Variants in MOCOS observed in about 807,000 individuals in gnomAD.
MOCOS encodes molybdenum cofactor sulfurase.
MOCOS carries 86 observed loss-of-function variants against 83.6 expected under a neutral mutation model. The observed-to-expected ratio is 1.03, with a 90% CI of 0.86 to 1.23. MOCOS has a LOEUF of 1.23. Ranked by LOEUF, MOCOS falls within the 50% of genes most tolerant of loss-of-function variation. The pLI is 0.00. For missense variants in MOCOS, 1,120 were observed against 1,126.9 expected (o/e 0.99, Z 0.09); for synonymous variants, 445 against 434.7 (o/e 1.02, Z -0.29).
At chr18:36,212,032 A>C (rs2091457537) in intron 6 of MOCOS, among the ~76,000 whole-genome samples, 1 of 152,170 alleles carries the variant, frequency 6.6e-6, no homozygotes, top group East Asian at 1.9e-4. Context: ...TGGAGACGCC[A>C]AGCTCAGGAC....
intron 8 of MOCOS, among the ~76,000 whole-genome samples, chr18:36,216,525 C>T (rs1344182940): frequency 6.6e-6 from 1 of 152,046 alleles, no homozygotes; most frequent in Non-Finnish European, 1.5e-5. Flanking sequence ...TCCATGAGTC[C>T]AGTAGAAAGT....
At chr18:36,253,522 C>T (rs371163814) in intron 11 of MOCOS, among the ~76,000 whole-genome samples, 21 of 152,032 alleles carry the variant, frequency 1.4e-4, no homozygotes, top group African/African-American at 3.6e-4. Context: ...AAAAATTAGC[C>T]GGGCATGGTG....
intron 11 of MOCOS, among the ~76,000 whole-genome samples, chr18:36,252,368 A>C (rs1216217776): frequency 6.6e-6 from 1 of 152,138 alleles, no homozygotes; most frequent in Non-Finnish European, 1.5e-5. Flanking sequence ...AAAATAAGAT[A>C]CAAAAATTAT....
At chr18:36,262,250 T>TCTACACACACACACACAC (rs368893410) in intron 13 of MOCOS, among the ~76,000 whole-genome samples, 1 of 127,824 alleles carries the variant, frequency 7.8e-6, no homozygotes. Context: ...CGTCTCTCTC[T>TCTACACACACACACACAC]ACACACACAC....
intron 1 of MOCOS, among the ~76,000 whole-genome samples, chr18:36,188,937 TC>T: frequency 7.5e-6 from 1 of 133,504 alleles, no homozygotes; most frequent in African/African-American, 2.8e-5. Context: ...TCTCTCTCTC[TC>T]AACTATTAAT....
chr18:36,259,267 A>G (rs2091653546), intron 12 of MOCOS, among the ~76,000 whole-genome samples: 1 of 151,916 alleles, frequency 6.6e-6, no homozygotes, highest in Non-Finnish European at 1.5e-5. Context: ...ATATAGTGAG[A>G]CCCCATCTCT....
intron 10 of MOCOS, 54 bp downstream of exon 10, chr18:36,249,054 G>A: frequency 6.9e-7 from 1 of 1,459,258 alleles, no homozygotes; most frequent in South Asian, 1.1e-5. Flanking sequence ...CTGGCACAGA[G>A]GGGGAAGAGG....
intron 6 of MOCOS, among the ~76,000 whole-genome samples, chr18:36,205,516 T>C (rs915961710): frequency 2.6e-5 from 4 of 152,178 alleles, no homozygotes; most frequent in Non-Finnish European, 4.4e-5. Context: ...GTTGGGTCTT[T>C]GCCATAGTAG....
intron 9 of MOCOS, among the ~76,000 whole-genome samples, chr18:36,242,921 ATTTG>A (rs2091589178): frequency 6.6e-6 from 1 of 152,058 alleles, no homozygotes; most frequent in African/African-American, 2.4e-5. Context: ...ATTTGTTTCC[ATTTG>A]TTTGTGTCAT....
At chr18:36,252,646 C>G (rs2091626363) in intron 11 of MOCOS, among the ~76,000 whole-genome samples, 1 of 152,152 alleles carries the variant, frequency 6.6e-6, no homozygotes, top group Non-Finnish European at 1.5e-5. Context: ...ATCTTTTGAA[C>G]CCAGGAGTTC....
At chr18:36,222,083 T>C (rs1432620225) in intron 9 of MOCOS, among the ~76,000 whole-genome samples, 6 of 152,186 alleles carry the variant, frequency 3.9e-5, no homozygotes, top group African/African-American at 1.4e-4. Context: ...CTTTTAAGAT[T>C]GAGTAGTATT....
At chr18:36,255,416 C>T (rs149376306) in intron 11 of MOCOS, among the ~76,000 whole-genome samples, 1 of 152,320 alleles carries the variant, frequency 6.6e-6, no homozygotes, top group East Asian at 1.9e-4. Flanking sequence ...ATCTGACCTA[C>T]AGGAGGATCA....
At chr18:36,241,144 A>G (rs2091581092) in intron 9 of MOCOS, among the ~76,000 whole-genome samples, 1 of 152,108 alleles carries the variant, frequency 6.6e-6, no homozygotes, top group Non-Finnish European at 1.5e-5. Context: ...CTATTCGGCC[A>G]TCTTGGCTCC....
chr18:36,223,124 G>T lies in MOCOS; in HGVS notation c.1960+2907G>T, dbSNP rs1193166386. Among the ~76,000 whole-genome samples the T allele has an allele frequency of 2.0e-5, 3 of 151,956 alleles. No individual in the cohort carries two copies. The East Asian group carries it at 5.8e-4, about 29-fold the overall frequency. ...GTCCCATTTGTGTATTTTTGTTTTT[G>T]TTACTTGTGCTTTGGGTGTCATATT... is the stretch of plus-strand genomic sequence containing the variant. On this transcript the variant is annotated intron_variant, in intron 9 of 14. Coordinates refer to ENST00000261326, the MANE Select transcript of MOCOS (RefSeq NM_017947.4).
At chr18:36,229,714 TCTGA>T (rs1450433685) in intron 9 of MOCOS, among the ~76,000 whole-genome samples, 1 of 152,070 alleles carries the variant, frequency 6.6e-6, no homozygotes, top group African/African-American at 2.4e-5. Context: ...TTTTTGCTCC[TCTGA>T]CTGAATTATT....
chr18:36,240,625 G>A (rs951240581), intron 9 of MOCOS, among the ~76,000 whole-genome samples: 2 of 152,134 alleles, frequency 1.3e-5, no homozygotes, highest in Non-Finnish European at 2.9e-5. Flanking sequence ...GGAGCCTACA[G>A]AGGCAGGCAG....
At chr18:36,212,451 T>C (rs1225711910) in intron 6 of MOCOS, among the ~76,000 whole-genome samples, 3 of 152,066 alleles carry the variant, frequency 2.0e-5, no homozygotes, top group Non-Finnish European at 4.4e-5. Flanking sequence ...GAGATGGAGT[T>C]GGCCAGGCCC....
Position 36,205,230 on chromosome 18 carries a change from A to G in MOCOS, c.1172A>G (p.Asn391Ser). Reference protein sequence around the residue: ...SSPEVQGPIINFNVLDDKGNI... With the variant: ...SSPEVQGPIISFNVLDDKGNI... ...CCTGAGGTTCAGGGCCCAATCATCA[A>G]TTTTAATGTGCTGGATGACAAAGGG... is the stretch of plus-strand genomic sequence containing the variant. Residue 391 changes from asparagine (N) to serine (S), a missense_variant, in exon 6 of 15, where the codon AAT becomes AGT. Physicochemically the swap from Asn to Ser is conservative, Grantham distance 46 (BLOSUM62 1). Coordinates refer to ENST00000261326, the MANE Select transcript of MOCOS (RefSeq NM_017947.4). 1.2e-6 allele frequency: 2 copies of G among 1,614,010 alleles called. No homozygotes were observed. Among genetic ancestry groups the G allele is most frequent in the African/African-American group, 1.3e-5 (1 of 75,002 alleles).
chr18:36,205,174 G>T lies in MOCOS; in HGVS notation c.1116G>T (p.Val372=). 1 of 1,613,856 alleles carries T rather than the reference G, an allele frequency of 6.2e-7. No homozygotes were observed. Among genetic ancestry groups the T allele is most frequent in the Non-Finnish European group, 8.5e-7 (1 of 1,179,884 alleles). ...AGTACCCCAATGGAGCCCCTGTGGT[G>T]CGGATTTACAGCGATTCTGAGTTCA... The part of the protein sequence containing the change: ...SLQYPNGAPV[V]RIYSDSEFSS... Residue 372 remains valine, a synonymous_variant, in exon 6 of 15, where the codon GTG becomes GTT. Coordinates refer to ENST00000261326, the MANE Select transcript of MOCOS (RefSeq NM_017947.4).
Sources: allele counts gnomAD v4.1 joint callset (sites outside exome capture counted in the v4.1 genomes callset), GRCh38; gene constraint gnomAD v4.1.1; transcripts MANE v1.5; gene names NCBI Gene and HGNC (gene_info 2026-07-23, HGNC 2026-07-21).